Variants in NFIC observed in about 807,000 individuals in gnomAD.
NFIC encodes nuclear factor 1 C-type.
NFIC carries 12 observed loss-of-function variants against 54.4 expected under a neutral mutation model. The ratio of observed to expected loss-of-function variants is 0.22; its 90% CI spans 0.14 to 0.36. The LOEUF (loss-of-function observed/expected upper bound fraction) is 0.36. NFIC is among the 10% of genes least tolerant of loss of function. The probability of loss-of-function intolerance (pLI) is 1.00; values close to 1 mark genes in which losing one functional copy is unlikely to be tolerated. For synonymous variants in NFIC, 322 were observed against 319.2 expected (o/e 1.01, Z -0.09); for missense variants, 575 against 718.2 (o/e 0.80, Z 2.28).
chr19:3,428,792 C>T (rs946764429), intron 3 of NFIC, among the ~76,000 whole-genome samples: 3 of 151,934 alleles, frequency 2.0e-5, no homozygotes, highest in Non-Finnish European at 2.9e-5. Flanking sequence ...GCTGAGCAGG[C>T]GCTGCACAAA....
At chr19:3,421,671 CA>C (rs2081956108) in intron 2 of NFIC, among the ~76,000 whole-genome samples, 1 of 152,358 alleles carries the variant, frequency 6.6e-6, no homozygotes, top group African/African-American at 2.4e-5. Context: ...GGGTGCTGGA[CA>C]CACGGTGTGT....
chr19:3,452,691 G>T lies in NFIC; in HGVS notation c.1269+25G>T, dbSNP rs2082486290. ...GGTGAGTTGGGCGGGGCGCATTCGG[G>T]CCTCTCCTGGCGGCTCCAGGTGACC... On this transcript the variant is annotated intron_variant, in intron 8 of 10. Transcript: ENST00000443272. The surrounding 1 kb of genome is among the most constrained non-coding windows in gnomAD (Gnocchi z 5.3). The T allele has an allele frequency of 6.4e-7, 1 of 1,566,228 alleles. No homozygotes were observed. Among genetic ancestry groups the T allele is most frequent in the South Asian group, 1.2e-5 (1 of 84,558 alleles).
chr19:3,458,148 G>A lies in NFIC; in HGVS notation c.1509+1513G>A, dbSNP rs1233234147. On this transcript the variant is annotated intron_variant, in intron 10 of 10. Coordinates refer to ENST00000443272, the MANE Select transcript of NFIC (RefSeq NM_001245002.2). This position sits in a 1 kb window ranked among gnomAD's most constrained non-coding sequence, Gnocchi z 4.1. ...CCGTAAATATTAAGTACCCTGCCTT[G>A]CACCCATAGAGCCCCGGAGAGGGAG... Among the ~76,000 whole-genome samples the A allele has an allele frequency of 6.6e-6, 1 of 152,156 alleles. No homozygotes were observed. Among genetic ancestry groups the A allele is most frequent in the Non-Finnish European group, 1.5e-5 (1 of 68,020 alleles).
Position 3,366,619 on chromosome 19 carries a change from C to T in NFIC, c.-18C>T, listed in dbSNP as rs759547485. 1.3e-5 allele frequency: 19 copies of T among 1,499,374 alleles called. No homozygotes were observed. The Admixed American group carries it at 2.9e-4, about 23-fold the overall frequency. 92.9% of individuals were successfully genotyped at this position (1,499,374 alleles called of 1,614,324 possible). A position where few individuals can be genotyped will look rare whatever the true frequency, so the allele number is the denominator to read the frequency against. ...CGCGCCCGCTCCGGCCGGCCCTGCG[C>T]CTCCCGCCGCGCCCGGGATGTATTC... On this transcript the variant is annotated 5_prime_UTR_variant, in exon 1 of 11. Coordinates refer to ENST00000443272, the MANE Select transcript of NFIC (RefSeq NM_001245002.2).
chr19:3,407,403 G>A (rs544313204), intron 2 of NFIC, among the ~76,000 whole-genome samples: 9 of 150,558 alleles, frequency 6.0e-5, no homozygotes, highest in Non-Finnish European at 1.0e-4. Flanking sequence ...GTGAGCCACC[G>A]CGCCCGGCCC....
intron 6 of NFIC, among the ~76,000 whole-genome samples, chr19:3,447,292 C>T (rs1345579847): frequency 2.9e-5 from 4 of 137,346 alleles, no homozygotes; most frequent in Admixed American, 2.2e-4. Flanking sequence ...GAGGGAGACT[C>T]TATCTCAAAA....
At position 3,463,055 on chromosome 19, in the gene NFIC, T is replaced by A; in HGVS notation, c.*286T>A. The A allele has an allele frequency of 1.5e-6, 2 of 1,331,096 alleles. No homozygotes were observed. 82.5% of individuals were successfully genotyped at this position (1,331,096 alleles called of 1,614,324 possible). ...TCTCGGGACGCCAAGGCCGCAGGAC[T>A]GGAGGGCCAGGCCCCGCCACCCCCA... On this transcript the variant is annotated 3_prime_UTR_variant, in exon 11 of 11. Transcript: ENST00000443272.
In NFIC at chr19:3,464,069, C is replaced by T; in HGVS notation, c.*1300C>T. ...GCGCGGGGGTGGGCTCTGGGGAAGC[C>T]GGTGCGCCCCCCACGCCTCCGCTGC... On this transcript the variant is annotated 3_prime_UTR_variant, in exon 11 of 11. Coordinates refer to ENST00000443272, the MANE Select transcript of NFIC (RefSeq NM_001245002.2). 6 of 984,906 alleles carry T rather than the reference C, an allele frequency of 6.1e-6. No homozygotes were observed. Among genetic ancestry groups the T allele is most frequent in the Non-Finnish European group, 4.8e-6 (4 of 829,806 alleles). The allele number at this position is 984,906 out of a possible 1,614,324, so 61.0% of individuals were successfully genotyped here. A position where few individuals can be genotyped will look rare whatever the true frequency, so the allele number is the denominator to read the frequency against.
In NFIC at chr19:3,463,167, C is replaced by T. The variant is rs1335792480; in HGVS notation, c.*398C>T. 3.7e-6 allele frequency: 4 copies of T among 1,073,128 alleles called. No homozygotes were observed. The African/African-American group carries it at 5.1e-5, about 14-fold the overall frequency. The allele number at this position is 1,073,128 out of a possible 1,614,324, so 66.5% of individuals were successfully genotyped here. A position where few individuals can be genotyped will look rare whatever the true frequency, so the allele number is the denominator to read the frequency against. Reference sequence around the variant, plus strand: ...GAAGGACAGACGCCGGCCGCCCGCCCGCGCCCCGGAGGCCCTGGCTCTGTC... The same window carrying T: ...GAAGGACAGACGCCGGCCGCCCGCCTGCGCCCCGGAGGCCCTGGCTCTGTC... On this transcript the variant is annotated 3_prime_UTR_variant, in exon 11 of 11. Transcript: ENST00000443272.
At chr19:3,443,827 G>A (rs896013815) in intron 6 of NFIC, among the ~76,000 whole-genome samples, 3 of 152,194 alleles carry the variant, frequency 2.0e-5, no homozygotes, top group African/African-American at 7.2e-5. Context: ...CCACCCTAGA[G>A]AATGATCCGG....
chr19:3,421,580 C>T (rs1437035126), intron 2 of NFIC, among the ~76,000 whole-genome samples: 3 of 152,238 alleles, frequency 2.0e-5, no homozygotes, highest in African/African-American at 4.8e-5. Context: ...CTCGTCTGCT[C>T]CTCTGTTTCC....
intron 6 of NFIC, among the ~76,000 whole-genome samples, chr19:3,447,407 G>A (rs2082389473): frequency 6.6e-6 from 1 of 152,160 alleles, no homozygotes; most frequent in African/African-American, 2.4e-5. Context: ...CCCTCTTTGG[G>A]GCTCTGTGTT....
At chr19:3,378,857 G>A (rs1479234431) in intron 1 of NFIC, among the ~76,000 whole-genome samples, 1 of 152,112 alleles carries the variant, frequency 6.6e-6, no homozygotes, top group African/African-American at 2.4e-5. Context: ...GGGGAAAGGA[G>A]GGAGAGGACT....
rs2082671690 is a variant in NFIC, at chr19:3,463,520, C to T, written c.*751C>T. The T allele has an allele frequency of 8.1e-6, 8 of 985,196 alleles. No homozygotes were observed. Among genetic ancestry groups the T allele is most frequent in the Non-Finnish European group, 7.2e-6 (6 of 829,912 alleles). 61.0% of individuals were successfully genotyped at this position (985,196 alleles called of 1,614,324 possible). ...GCCTGCCGCGGGGCCTCCCCACAAG[C>T]CCCTCCCAAAGCGCCGGCCGACTCG... On this transcript the variant is annotated 3_prime_UTR_variant, in exon 11 of 11. Coordinates refer to ENST00000443272, the MANE Select transcript of NFIC (RefSeq NM_001245002.2).
intron 10 of NFIC, among the ~76,000 whole-genome samples, chr19:3,461,694 G>T (rs1441549879): frequency 6.6e-6 from 1 of 152,110 alleles, no homozygotes; most frequent in Non-Finnish European, 1.5e-5. Flanking sequence ...CTGCATTCCA[G>T]CCTGGGCAAC....
chr19:3,432,307 G>A (rs1421522908), intron 3 of NFIC, among the ~76,000 whole-genome samples: 5 of 152,126 alleles, frequency 3.3e-5, no homozygotes, highest in Admixed American at 3.3e-4. Context: ...TGCGGCTTGT[G>A]GGCCTCCCAT....
intron 2 of NFIC, among the ~76,000 whole-genome samples, chr19:3,385,387 T>C (rs2081279007): frequency 6.6e-6 from 1 of 152,058 alleles, no homozygotes; most frequent in Admixed American, 6.6e-5. Context: ...GGTTGCCTTG[T>C]GGGAAATGTC....
chr19:3,394,524 C>T lies in NFIC; in HGVS notation c.562+12281C>T, dbSNP rs990277703. Among the ~76,000 whole-genome samples, 3 of 23,050 alleles carry T rather than the reference C, an allele frequency of 1.3e-4. 1 individual carries two copies. Among genetic ancestry groups the T allele is most frequent in the Non-Finnish European group, 3.0e-4 (3 of 10,022 alleles). 15.1% of individuals were successfully genotyped at this position (23,050 alleles called of 152,430 possible). On this transcript the variant is annotated intron_variant, in intron 2 of 10. Transcript: ENST00000443272. ...TATTTTATGATCTTTTCCCCACCCA[C>T]CCCCCACCCGCTTACACTAAGTCTG...
chr19:3,423,654 C>T (rs1432293901), intron 2 of NFIC, among the ~76,000 whole-genome samples: 1 of 152,088 alleles, frequency 6.6e-6, no homozygotes, highest in African/African-American at 2.4e-5. Flanking sequence ...GAGCCGATAA[C>T]GCTGAGCTCA....
Sources: gnomAD v4.1 joint callset for allele counts (sites outside exome capture counted in the v4.1 genomes callset) on GRCh38, gnomAD v4.1.1 for gene constraint, Gnocchi (gnomAD v3.1) non-coding constraint, MANE v1.5 for transcripts, NCBI Gene and HGNC (gene_info 2026-07-23, HGNC 2026-07-21) for gene names.